Variants in NOS2 observed in about 807,000 individuals in gnomAD.
The protein encoded by NOS2 is nitric oxide synthase, inducible.
Under a neutral mutation model 136.0 loss-of-function variants are expected in NOS2, and 96 were observed. The observed-to-expected ratio is 0.71, with a 90% CI of 0.60 to 0.84. NOS2 has a LOEUF of 0.84. NOS2 is among the 40% of genes least tolerant of loss of function. The probability of loss-of-function intolerance (pLI) is 0.00; values close to 1 mark genes in which losing one functional copy is unlikely to be tolerated. For missense variants in NOS2, 1,237 were observed against 1,496.9 expected (o/e 0.83, Z 2.87); for synonymous variants, 539 against 587.5 (o/e 0.92, Z 1.20).
chr17:27,769,055 C>A lies in NOS2; in HGVS notation c.1956G>T (p.Gln652His). Residue 652 changes from glutamine (Q) to histidine (H), a missense_variant, in exon 17 of 27, where the codon CAG (glutamine) becomes CAT (histidine). This residue lies in a region of NOS2 where 782 missense variants were observed against 909.9 expected (regional missense o/e 0.86). Transcript: ENST00000313735. ...DQKLSHLGAS[Q>H]LTPMGEGDEL... Reference sequence around the variant, plus strand: ...CATCCCCTTCTCCCATCGGGGTGAGCTGAGAGGCCCCCAGGTGGGACAGCT... The same window carrying A: ...CATCCCCTTCTCCCATCGGGGTGAGATGAGAGGCCCCCAGGTGGGACAGCT... The A allele has an allele frequency of 6.2e-7, 1 of 1,612,678 alleles. No individual in the cohort carries two copies. Among genetic ancestry groups the A allele is most frequent in the Non-Finnish European group, 8.5e-7 (1 of 1,179,564 alleles).
intron 21 of NOS2, 52 bp from the exon 22 acceptor site, chr17:27,763,057 GA>G: frequency 8.2e-7 from 1 of 1,215,336 alleles, no homozygotes. Flanking sequence ...CCGCTTTGGG[GA>G]AAAGACTGTC....
chr17:27,772,602 A>T lies in NOS2; in HGVS notation c.1560-150T>A. 3 of 849,118 alleles carry T rather than the reference A, an allele frequency of 3.5e-6. No homozygotes were observed. In the Admixed American group the frequency reaches 7.7e-5, roughly 22 times the overall value. 52.6% of individuals were successfully genotyped at this position (849,118 alleles called of 1,614,324 possible). Reference sequence around the variant, plus strand: ...CGTTTCTCACCAGCCATGTACCGTGACAACTCACCCTTTTCCTCCCCTCAC... The same window carrying T: ...CGTTTCTCACCAGCCATGTACCGTGTCAACTCACCCTTTTCCTCCCCTCAC... On this transcript the variant is annotated intron_variant, in intron 13 of 26. Coordinates refer to ENST00000313735, the MANE Select transcript of NOS2 (RefSeq NM_000625.4).
chr17:27,788,775 AC>A, intron 4 of NOS2, 33 bp downstream of exon 4: 1 of 1,596,410 alleles, frequency 6.3e-7, no homozygotes, highest in Non-Finnish European at 8.6e-7. Flanking sequence ...CCAGCTTGGG[AC>A]AAAGGTGGTT....
intron 22 of NOS2, among the ~76,000 whole-genome samples, 156 bp from the exon 23 acceptor site, chr17:27,761,387 A>G (rs1210849327): frequency 1.3e-5 from 2 of 152,050 alleles, no homozygotes; most frequent in African/African-American, 4.8e-5. Flanking sequence ...TCTGAGATCC[A>G]CCCTCTGTAA....
At chr17:27,783,783 C>T (rs754446293) in intron 5 of NOS2, among the ~76,000 whole-genome samples, 1 of 152,232 alleles carries the variant, frequency 6.6e-6, no homozygotes, top group Non-Finnish European at 1.5e-5. Context: ...GACTCAGACC[C>T]AGGTCGCCCT....
At position 27,760,123 on chromosome 17, in the gene NOS2, G is replaced by A. The variant is rs201131338; in HGVS notation, c.3066C>T (p.Asp1022=). ...CCAGCATCTCCTCCTGGTAGATGTGGTCCTCATCTGGGCGGCGGCACCCAA... is the reference window on the plus strand; with the variant it reads ...CCAGCATCTCCTCCTGGTAGATGTGATCCTCATCTGGGCGGCGGCACCCAA... ...LVFGCRRPDE[D]HIYQEEMLEM... The change falls in exon 25 of 27, where the codon GAC becomes GAT. Residue 1022 remains aspartate (D), a synonymous_variant. Transcript: ENST00000313735. 2 of 1,606,766 alleles carry A rather than the reference G, an allele frequency of 1.2e-6. No homozygotes were observed. Among genetic ancestry groups the A allele is most frequent in the Non-Finnish European group, 1.7e-6 (2 of 1,176,774 alleles).
At chr17:27,757,443 T>C in intron 26 of NOS2, 90 bp from the exon 27 acceptor site, 1 of 997,744 alleles carries the variant, frequency 1.0e-6, no homozygotes. Flanking sequence ...TGGACCTTCA[T>C]GAGCCATCTG....
chr17:27,790,580 G>A (rs548287115), intron 2 of NOS2, among the ~76,000 whole-genome samples: 3 of 152,128 alleles, frequency 2.0e-5, no homozygotes, highest in East Asian at 1.9e-4. Context: ...ATCCACGGCC[G>A]ATCTTGTTTC....
chr17:27,762,616 G>C (rs1161259581), intron 22 of NOS2, among the ~76,000 whole-genome samples, 182 bp downstream of exon 22: 2 of 152,194 alleles, frequency 1.3e-5, no homozygotes, highest in Non-Finnish European at 2.9e-5. Context: ...CATACAGAAG[G>C]CTTGGTTTAG....
chr17:27,769,207 A>G, intron 16 of NOS2, 56 bp from the exon 17 acceptor site: 1 of 1,503,876 alleles, frequency 6.6e-7, no homozygotes, highest in Non-Finnish European at 9.0e-7. Flanking sequence ...CCTGGCACCC[A>G]GCACCCAGCA....
Position 27,757,343 on chromosome 17 carries a change from C to T in NOS2, c.3365G>A (p.Arg1122His), listed in dbSNP as rs748134272. The change falls in exon 27 of 27, where the codon CGC (arginine) becomes CAC (histidine). Residue 1122 changes from arginine to histidine, a missense_variant. By Grantham distance (29) the Arg-to-His change is conservative (BLOSUM62 0). Around this residue, in one of 3 missense-constraint regions of NOS2, gnomAD observed 782 missense variants for 909.9 expected, o/e 0.86. Transcript: ENST00000313735. ...AGCACCAAAGATATCTTCGTGATAG[C>T]GCTTCTGGCTCTTTTAGGTAAAAAC... ...DYFFQLKSQK[R>H]YHEDIFGAVF... 16 of 1,613,806 alleles carry T rather than the reference C, an allele frequency of 9.9e-6. No homozygotes were observed. The highest frequency in any genetic ancestry group is 1.4e-5 in the Non-Finnish European group (16 of 1,179,966).
intron 16 of NOS2, 118 bp from the exon 17 acceptor site, chr17:27,769,269 G>C: frequency 9.5e-7 from 1 of 1,053,698 alleles, no homozygotes; most frequent in Admixed American, 2.6e-5. Flanking sequence ...CTGGAGAATG[G>C]AGCTGGACCC....
intron 1 of NOS2, among the ~76,000 whole-genome samples, chr17:27,799,337 C>G (rs1353310243): frequency 1.3e-5 from 2 of 152,224 alleles, no homozygotes; most frequent in Admixed American, 6.5e-5. Flanking sequence ...GGAAAGCACT[C>G]AAGCTGTAGC....
chr17:27,771,269 A>C (rs1428549915), intron 14 of NOS2, among the ~76,000 whole-genome samples: 1 of 152,208 alleles, frequency 6.6e-6, no homozygotes, highest in Admixed American at 6.5e-5. Context: ...GATCTGTCCC[A>C]AAAATACTGC....
At chr17:27,798,669 C>G (rs201004527) in intron 2 of NOS2, 31 bp downstream of exon 2, 4 of 1,402,598 alleles carry the variant, frequency 2.9e-6, no homozygotes, top group South Asian at 2.3e-5. Flanking sequence ...CCCAAGGAGA[C>G]AAGCAGGAGG....
chr17:27,768,840 C>A, intron 17 of NOS2, 137 bp downstream of exon 17: 2 of 970,470 alleles, frequency 2.1e-6, no homozygotes, highest in Non-Finnish European at 2.9e-6. Flanking sequence ...GGTTTGTGGC[C>A]CTGGCCCATG....
intron 11 of NOS2, among the ~76,000 whole-genome samples, chr17:27,777,083 C>T (rs1039726353): frequency 2.0e-5 from 3 of 152,176 alleles, no homozygotes; most frequent in South Asian, 2.1e-4. Flanking sequence ...CAGCCCTTCC[C>T]CAAACACCGG....
chr17:27,761,247 A>C lies in NOS2; in HGVS notation c.2801-16T>G, dbSNP rs199957350. ...CCCTGGCCATCTGCAACGATACCAC[A>C]AAGTGACCAACGTCCCCCCACTGCC... is the stretch of plus-strand genomic sequence containing the variant. On this transcript the variant is annotated splice_polypyrimidine_tract_variant and intron_variant, in intron 22 of 26. Transcript: ENST00000313735. 41 of 1,593,702 alleles carry C rather than the reference A, an allele frequency of 2.6e-5. No homozygotes were observed. The East Asian group carries it at 8.4e-4, about 32-fold the overall frequency.
At chr17:27,769,469 T>C in intron 16 of NOS2, 66 bp downstream of exon 16, 1 of 1,384,838 alleles carries the variant, frequency 7.2e-7, no homozygotes, top group Non-Finnish European at 1.0e-6. Context: ...CCCAGTTCCA[T>C]CCCCTGAACC....
Sources: gnomAD v4.1 joint callset for allele counts (sites outside exome capture counted in the v4.1 genomes callset) on GRCh38, gnomAD v4.1.1 for gene constraint, gnomAD v4.1.1 regional missense constraint, MANE v1.5 for transcripts, NCBI Gene and HGNC (gene_info 2026-07-23, HGNC 2026-07-21) for gene names.